QRFPR: variants seen among roughly 807,000 people sequenced by gnomAD.
The protein encoded by QRFPR is pyroglutamylated RFamide peptide receptor.
QRFPR carries 37 observed loss-of-function variants against 31.3 expected under a neutral mutation model. That is an observed-to-expected ratio of 1.18 (90% CI 0.91 to 1.56). The LOEUF (loss-of-function observed/expected upper bound fraction) is 1.56, where lower values mean the gene tolerates loss of function less well. QRFPR is among the 40% of genes most tolerant of loss of function. The pLI is 0.00. For missense variants in QRFPR, 542 were observed against 532.5 expected (o/e 1.02, Z -0.18); for synonymous variants, 197 against 192.0 (o/e 1.03, Z -0.22).
At chr4:121,360,094 G>C (rs2110478699) in intron 1 of QRFPR, among the ~76,000 whole-genome samples, 1 of 152,186 alleles carries the variant, frequency 6.6e-6, no homozygotes, top group South Asian at 2.1e-4. Context: ...TGTGTACAAT[G>C]AGTACACGAC....
At chr4:121,337,923 C>A (rs1009887825) in intron 2 of QRFPR, among the ~76,000 whole-genome samples, 1 of 152,168 alleles carries the variant, frequency 6.6e-6, no homozygotes, top group African/African-American at 2.4e-5. Flanking sequence ...AGGGCCCCAA[C>A]TTTGATTTGG....
intron 1 of QRFPR, among the ~76,000 whole-genome samples, chr4:121,365,542 TTATATATAATATATAA>T (rs869141001): frequency 0.51 from 9,916 of 19,474 alleles, 2,279 homozygotes; most frequent in Non-Finnish European, 0.52. Context: ...ATAATATATA[TTATATATAATATATAA>T]TATATATTAT....
intron 4 of QRFPR, among the ~76,000 whole-genome samples, 177 bp from the exon 5 acceptor site, chr4:121,330,700 C>T (rs1725305321): frequency 6.6e-6 from 1 of 152,198 alleles, no homozygotes; most frequent in Non-Finnish European, 1.5e-5. Context: ...ACCCTCACAT[C>T]ATAAATGTTC....
At position 121,368,548 on chromosome 4, in the gene QRFPR, A is replaced by C. The variant is rs1423060819; in HGVS notation, c.340+11760T>G. ...ATGAAGAACTGGTTGCAGGACAGTG[A>C]TCCATTAGGTCTACCAAAAAGCAGG... On this transcript the variant is annotated intron_variant, in intron 1 of 5. Transcript: ENST00000394427. Among the ~76,000 whole-genome samples, 2 of 150,326 alleles carry C rather than the reference A, an allele frequency of 1.3e-5. 1 individual carries two copies. Among genetic ancestry groups the C allele is most frequent in the Non-Finnish European group, 3.0e-5 (2 of 67,614 alleles).
At chr4:121,377,419 T>A (rs1379287433) in intron 1 of QRFPR, among the ~76,000 whole-genome samples, 1 of 151,606 alleles carries the variant, frequency 6.6e-6, no homozygotes, top group African/African-American at 2.4e-5. Flanking sequence ...ATATATTTTT[T>A]TTTTTTTCCT....
At chr4:121,370,301 C>T (rs1726212050) in intron 1 of QRFPR, 1 of 775,906 alleles carries the variant, frequency 1.3e-6, no homozygotes, top group Admixed American at 1.7e-5. Flanking sequence ...TGCCTAGAGG[C>T]CCACTAGCCT....
At chr4:121,361,626 T>C (rs1042749503) in intron 1 of QRFPR, among the ~76,000 whole-genome samples, 2 of 150,294 alleles carry the variant, frequency 1.3e-5, no homozygotes, top group Non-Finnish European at 3.0e-5. Context: ...AGGTATGTGA[T>C]GAGGCCTGAG....
chr4:121,372,246 G>A (rs913472906), intron 1 of QRFPR, among the ~76,000 whole-genome samples: 6 of 152,168 alleles, frequency 3.9e-5, no homozygotes, highest in African/African-American at 1.4e-4. Flanking sequence ...CTGGGTGTTT[G>A]AATAGGAGTG....
At chr4:121,353,270 T>C (rs1200855777) in intron 1 of QRFPR, among the ~76,000 whole-genome samples, 2 of 152,094 alleles carry the variant, frequency 1.3e-5, no homozygotes, top group Non-Finnish European at 2.9e-5. Context: ...AGTTTTATTG[T>C]CAGTTTTGTG....
At chr4:121,380,228 AG>A in intron 1 of QRFPR, 79 bp downstream of exon 1, 1 of 960,886 alleles carries the variant, frequency 1.0e-6, no homozygotes, top group East Asian at 2.5e-5. Context: ...AGAGAGAGAG[AG>A]AGAGAGAGAG....
intron 1 of QRFPR, among the ~76,000 whole-genome samples, chr4:121,372,242 G>T (rs1424407346): frequency 2.0e-5 from 3 of 152,276 alleles, no homozygotes; most frequent in Admixed American, 6.5e-5. Flanking sequence ...ATCTCTGGGT[G>T]TTTGAATAGG....
chr4:121,379,601 C>CA (rs1384217945), intron 1 of QRFPR, among the ~76,000 whole-genome samples: 4 of 152,188 alleles, frequency 2.6e-5, no homozygotes, highest in African/African-American at 9.6e-5. Context: ...TCAGTGACTC[C>CA]ACCTCTCCTC....
At position 121,377,413 on chromosome 4, in the gene QRFPR, A is replaced by T. The variant is rs200363845; in HGVS notation, c.340+2895T>A. ...TTTTTACATAACTATATATATATATATTTTTTTTTTTTTCCTCCCCAGTTG... is the reference window on the plus strand; with the variant it reads ...TTTTTACATAACTATATATATATATTTTTTTTTTTTTTTCCTCCCCAGTTG... On this transcript the variant is annotated intron_variant, in intron 1 of 5. Transcript: ENST00000394427. Among the ~76,000 whole-genome samples, 1,085 of 138,530 alleles carry T rather than the reference A, an allele frequency of 7.8e-3. 7 individuals are homozygous for T. Among genetic ancestry groups the T allele is most frequent in the South Asian group, 0.019 (86 of 4,576 alleles). The allele number at this position is 138,530 out of a possible 152,430, so 90.9% of individuals were successfully genotyped here. A position where few individuals can be genotyped will look rare whatever the true frequency, so the allele number is the denominator to read the frequency against.
intron 2 of QRFPR, among the ~76,000 whole-genome samples, chr4:121,338,796 A>G (rs1185998307): frequency 1.3e-5 from 2 of 152,150 alleles, no homozygotes; most frequent in Non-Finnish European, 2.9e-5. Flanking sequence ...CTTGTTTCCT[A>G]TGTCTCTTTT....
chr4:121,333,286 A>G (rs1173842723), intron 3 of QRFPR, among the ~76,000 whole-genome samples: 1 of 152,194 alleles, frequency 6.6e-6, no homozygotes, highest in Non-Finnish European at 1.5e-5. Flanking sequence ...TCTAAATGGA[A>G]TTCAGGTCCA....
At chr4:121,335,578 TGGGG>T (rs773427893) in intron 3 of QRFPR, among the ~76,000 whole-genome samples, 1 of 4,256 alleles carries the variant, frequency 2.3e-4, no homozygotes, top group Admixed American at 4.1e-3. Flanking sequence ...GTATGGGGGG[TGGGG>T]GGTGGGGCGG....
chr4:121,354,061 G>A (rs1293228394), intron 1 of QRFPR, among the ~76,000 whole-genome samples: 3 of 151,970 alleles, frequency 2.0e-5, no homozygotes, highest in Non-Finnish European at 4.4e-5. Flanking sequence ...AGTTCAATTG[G>A]TCTATGTGTC....
chr4:121,330,624 TA>T (rs1210164883), intron 4 of QRFPR, 101 bp from the exon 5 acceptor site: 2 of 816,498 alleles, frequency 2.4e-6, no homozygotes, highest in African/African-American at 3.4e-5. Flanking sequence ...CACTCAAACA[TA>T]ATTTTTAAAT....
At chr4:121,363,428 G>A (rs1049008322) in intron 1 of QRFPR, among the ~76,000 whole-genome samples, 1 of 150,064 alleles carries the variant, frequency 6.7e-6, no homozygotes, top group Non-Finnish European at 1.5e-5. Context: ...CAACCCTGCT[G>A]AAGCAGAGGT....
Sources: gnomAD v4.1 joint callset for allele counts (sites outside exome capture counted in the v4.1 genomes callset) on GRCh38, gnomAD v4.1.1 for gene constraint, MANE v1.5 for transcripts, NCBI Gene and HGNC (gene_info 2026-07-23, HGNC 2026-07-21) for gene names.